Variants in LCE1C observed in about 807,000 individuals in gnomAD.
LCE1C encodes the protein late cornified envelope 1C, also known as late cornified envelope protein 1C.
LCE1C carries 1 observed loss-of-function variant against 0.7 expected under a neutral mutation model. That is an observed-to-expected ratio of 1.44 (90% confidence interval 0.51 to 6.83). The LOEUF is 6.83. Among genes scored for constraint, LCE1C ranks in the 30% most tolerant of loss-of-function variants. The pLI is 0.14. For missense variants in LCE1C, 136 were observed against 149.6 expected (o/e 0.91, Z 0.48); for synonymous variants, 72 against 57.9 (o/e 1.24, Z -1.10).
chr1:152,805,551 A>C (rs770253317), intron 1 of LCE1C, 53 bp from the exon 2 acceptor site: 11 of 1,282,462 alleles, frequency 8.6e-6, no homozygotes, highest in Non-Finnish European at 1.2e-5. Flanking sequence ...ACCCCTGCCT[A>C]TTCTTGTCCT....
rs968583720 is a variant in LCE1C, at chr1:152,805,136, C to T, written c.343G>A (p.Gly115Arg). The T allele has an allele frequency of 4.4e-6, 7 of 1,604,056 alleles. No individual in the cohort carries two copies. The highest frequency in any genetic ancestry group is 1.7e-5 in the Admixed American group (1 of 59,150). Reference protein sequence around the residue: ...CCGGGSGQHSGGCC With the variant: ...CCGGGSGQHSRGCC ...CAGGGTCCACTTCAGCAGCAGCCTC[C>T]AGAGTGCTGGCCACTCCCCCCGCCA... is the stretch of plus-strand genomic sequence containing the variant. Residue 115 changes from glycine (G) to arginine (R), a missense_variant, in exon 2 of 2, where the codon GGA (glycine) becomes AGA (arginine). Gly to Arg is a moderately radical substitution (Grantham distance 125). Coordinates refer to ENST00000607093, the MANE Select transcript of LCE1C (RefSeq NM_178351.4).
chr1:152,805,300 C>G lies in LCE1C; in HGVS notation c.179G>C (p.Cys60Ser). The change falls in exon 2 of 2, where the codon TGT (cysteine) becomes TCT (serine). Residue 60 changes from cysteine to serine, a missense_variant. Transcript: ENST00000607093. ...GCAGCATCCCCCAGAGCTGGAGCCA[C>G]AGCTGCCCCCAGAGCTGGAGCCACA... ...GCCGSSSGGS[C>S]GSSSGGCCSS... 1 of 1,614,044 alleles carries G rather than the reference C, an allele frequency of 6.2e-7. No homozygotes were observed. The highest frequency in any genetic ancestry group is 1.1e-5 in the South Asian group (1 of 91,068).
chr1:152,805,040 T>C lies in LCE1C; in HGVS notation c.*82A>G. On this transcript the variant is annotated 3_prime_UTR_variant, in exon 2 of 2. Transcript: ENST00000607093. ...GCTTTCCCTTGGACCTGTGAGCCTCTCAGGCAGGCCTAGTAGGAGAAGGGG... is the reference window on the plus strand; with the variant it reads ...GCTTTCCCTTGGACCTGTGAGCCTCCCAGGCAGGCCTAGTAGGAGAAGGGG... The C allele has an allele frequency of 6.8e-7, 1 of 1,480,808 alleles. No individual in the cohort carries two copies. 91.7% of individuals were successfully genotyped at this position (1,480,808 alleles called of 1,614,324 possible).
At position 152,806,025 on chromosome 1, in the gene LCE1C, A is replaced by G. The variant is rs1652330958; in HGVS notation, c.-20-527T>C. On this transcript the variant is annotated intron_variant, in intron 1 of 1. Transcript: ENST00000607093. ...TTTGTTAAGGAAGATGCTGGAGAAC[A>G]GTATTTTTGGTGCATAGAGGGGATC... Among the ~76,000 whole-genome samples the G allele has an allele frequency of 2.0e-5, 3 of 152,194 alleles. No individual in the cohort carries two copies. In the South Asian group the frequency reaches 6.2e-4, roughly 32 times the overall value.
At position 152,805,369 on chromosome 1, in the gene LCE1C, C is replaced by A; in HGVS notation, c.110G>T (p.Cys37Phe). ...PKCPPKCPPKCPPVSSCCSVS... is the reference protein window; with the variant it reads ...PKCPPKCPPKFPPVSSCCSVS... Reference sequence around the variant, plus strand: ...ACTGCAGCAGGAAGAGACAGGAGGGCACTTAGGGGGACACTTTGGGGGACA... The same window carrying A: ...ACTGCAGCAGGAAGAGACAGGAGGGAACTTAGGGGGACACTTTGGGGGACA... The change falls in exon 2 of 2, where the codon TGC becomes TTC. Residue 37 changes from cysteine (C) to phenylalanine (F), a missense_variant. By Grantham distance (205) the Cys-to-Phe change is radical. Transcript: ENST00000607093. 6.2e-7 allele frequency: 1 copy of A among 1,613,460 alleles called. No homozygotes were observed. Among genetic ancestry groups the A allele is most frequent in the African/African-American group, 1.3e-5 (1 of 74,904 alleles).
At chr1:152,805,698 T>C (rs1176382064) in intron 1 of LCE1C, among the ~76,000 whole-genome samples, 200 bp from the exon 2 acceptor site, 3 of 152,206 alleles carry the variant, frequency 2.0e-5, no homozygotes, top group Non-Finnish European at 4.4e-5. Context: ...CACAATTTCA[T>C]CTTAAGACAG....
At position 152,804,993 on chromosome 1, in the gene LCE1C, A is replaced by G; in HGVS notation, c.*129T>C. 8.6e-7 allele frequency: 1 copy of G among 1,166,198 alleles called. No homozygotes were observed. Among genetic ancestry groups the G allele is most frequent in the Non-Finnish European group, 1.2e-6 (1 of 817,638 alleles). 72.2% of individuals were successfully genotyped at this position (1,166,198 alleles called of 1,614,324 possible). ...TGAGTTTCTGGACTCCAGGGAAAAG[A>G]TATGCTCTTGGCAAGTTCAGAGCTT... On this transcript the variant is annotated 3_prime_UTR_variant, in exon 2 of 2. Coordinates refer to ENST00000607093, the MANE Select transcript of LCE1C (RefSeq NM_178351.4).
chr1:152,805,186 T>C lies in LCE1C; in HGVS notation c.293A>G (p.Gln98Arg). ...HRPQSSGCCS[Q>R]PSGGSSCCGG... The stretch of plus-strand genomic sequence containing the variant: ...ACAGCAGCTGGAGCCCCCCGAGGGC[T>C]GGCTGCAGCAGCCAGAGCTCTGGGG... The change falls in exon 2 of 2, where the codon CAG (glutamine) becomes CGG (arginine). Residue 98 changes from glutamine to arginine, a missense_variant. By Grantham distance (43) the Gln-to-Arg change is conservative. Coordinates refer to ENST00000607093, the MANE Select transcript of LCE1C (RefSeq NM_178351.4). The C allele has an allele frequency of 1.2e-6, 2 of 1,613,432 alleles. No homozygotes were observed. The highest frequency in any genetic ancestry group is 1.7e-4 in the Middle Eastern group (1 of 5,836).
Position 152,805,288 on chromosome 1 carries a change from G to A in LCE1C, c.191C>T (p.Ser64Phe). The A allele has an allele frequency of 6.2e-7, 1 of 1,613,972 alleles. No homozygotes were observed. Among genetic ancestry groups the A allele is most frequent in the Non-Finnish European group, 8.5e-7 (1 of 1,179,974 alleles). The change falls in exon 2 of 2, where the codon TCT (serine) becomes TTT (phenylalanine). Residue 64 changes from serine to phenylalanine, a missense_variant. Transcript: ENST00000607093. Reference sequence around the variant, plus strand: ...TCCCCCAGAACTGCAGCATCCCCCAGAGCTGGAGCCACAGCTGCCCCCAGA... The same window carrying A: ...TCCCCCAGAACTGCAGCATCCCCCAAAGCTGGAGCCACAGCTGCCCCCAGA... The part of the protein sequence containing the change: ...SSSGGSCGSS[S>F]GGCCSSGGGG...
intron 1 of LCE1C, among the ~76,000 whole-genome samples, chr1:152,805,967 G>T (rs12025125): frequency 0.22 from 33,438 of 152,080 alleles, 4,241 homozygotes; most frequent in East Asian, 0.33. Flanking sequence ...AATTGTAAAT[G>T]GTTTTGGAGA....
Position 152,805,036 on chromosome 1 carries a change from C to A in LCE1C, c.*86G>T, listed in dbSNP as rs1284721716. 2.1e-6 allele frequency: 3 copies of A among 1,458,824 alleles called. No homozygotes were observed. Among genetic ancestry groups the A allele is most frequent in the African/African-American group, 1.4e-5 (1 of 70,488 alleles). 90.4% of individuals were successfully genotyped at this position (1,458,824 alleles called of 1,614,324 possible). A position where few individuals can be genotyped will look rare whatever the true frequency, so the allele number is the denominator to read the frequency against. On this transcript the variant is annotated 3_prime_UTR_variant, in exon 2 of 2. Transcript: ENST00000607093. ...CAGAGCTTTCCCTTGGACCTGTGAGCCTCTCAGGCAGGCCTAGTAGGAGAA... is the reference window on the plus strand; with the variant it reads ...CAGAGCTTTCCCTTGGACCTGTGAGACTCTCAGGCAGGCCTAGTAGGAGAA...
Position 152,805,430 on chromosome 1 carries a change from T to C in LCE1C, c.49A>G (p.Thr17Ala). The change falls in exon 2 of 2, where the codon ACC becomes GCC. Residue 17 changes from threonine (T) to alanine (A), a missense_variant. Physicochemically the swap from Thr to Ala is moderately conservative, Grantham distance 58. Transcript: ENST00000607093. ...GGGCACTTGGGAGGGCACTTGGGGG[T>C]GCACTTGGGAGGGGGCTGGCACTGC... is the stretch of plus-strand genomic sequence containing the variant. ...QQQCQPPPKC[T>A]PKCPPKCPTP... is the part of the protein sequence containing the mutation. The C allele has an allele frequency of 6.2e-7, 1 of 1,611,190 alleles. No homozygotes were observed.
At position 152,804,990 on chromosome 1, in the gene LCE1C, A is replaced by G; in HGVS notation, c.*132T>C. On this transcript the variant is annotated 3_prime_UTR_variant, in exon 2 of 2. Coordinates refer to ENST00000607093, the MANE Select transcript of LCE1C (RefSeq NM_178351.4). ...ATCTGAGTTTCTGGACTCCAGGGAA[A>G]AGATATGCTCTTGGCAAGTTCAGAG... The G allele has an allele frequency of 8.7e-7, 1 of 1,150,640 alleles. No individual in the cohort carries two copies. Among genetic ancestry groups the G allele is most frequent in the Non-Finnish European group, 1.2e-6 (1 of 804,538 alleles). 71.3% of individuals were successfully genotyped at this position (1,150,640 alleles called of 1,614,324 possible).
Position 152,805,279 on chromosome 1 carries a change from C to A in LCE1C, c.200G>T (p.Cys67Phe), listed in dbSNP as rs146157684. ...GGSCGSSSGGCCSSGGGGCCL... is the reference protein window; with the variant it reads ...GGSCGSSSGGFCSSGGGGCCL... ...GCAGCCACCTCCCCCAGAACTGCAG[C>A]ATCCCCCAGAGCTGGAGCCACAGCT... Residue 67 changes from cysteine (C) to phenylalanine (F), a missense_variant, in exon 2 of 2, where the codon TGC becomes TTC. Transcript: ENST00000607093. The A allele has an allele frequency of 7.9e-4, 1,269 of 1,614,070 alleles. 12 individuals carry two copies. The African/African-American group carries it at 0.015, about 19-fold the overall frequency.
Position 152,805,480 on chromosome 1 carries a change from T to C in LCE1C, c.-2A>G. The C allele has an allele frequency of 1.2e-6, 2 of 1,613,650 alleles. No homozygotes were observed. Among genetic ancestry groups the C allele is most frequent in the Non-Finnish European group, 1.7e-6 (2 of 1,179,592 alleles). ...CTGCTGGCTCTGCTGGCAGGACATC[T>C]TGGTGGCGGATTCAGGAGCTGAAAG... is the stretch of plus-strand genomic sequence containing the variant. On this transcript the variant is annotated 5_prime_UTR_variant, in exon 2 of 2. Transcript: ENST00000607093.
Position 152,804,899 on chromosome 1 carries a change from G to A in LCE1C, c.*223C>T. 1 of 603,300 alleles carries A rather than the reference G, an allele frequency of 1.7e-6. No homozygotes were observed. The highest frequency in any genetic ancestry group is 4.5e-4 in the Middle Eastern group (1 of 2,240). The allele number at this position is 603,300 out of a possible 1,614,324, so 37.4% of individuals were successfully genotyped here. ...TGACATTGAGTAAGCTAGGGGCTTA[G>A]ACAGAGCGTGGGAGGGTAGCCACAA... On this transcript the variant is annotated 3_prime_UTR_variant, in exon 2 of 2. Coordinates refer to ENST00000607093, the MANE Select transcript of LCE1C (RefSeq NM_178351.4).
chr1:152,805,434 C>A lies in LCE1C; in HGVS notation c.45G>T (p.Lys15Asn). 6.2e-7 allele frequency: 1 copy of A among 1,613,640 alleles called. No homozygotes were observed. The highest frequency in any genetic ancestry group is 8.5e-7 in the Non-Finnish European group (1 of 1,179,850). ...ACTTGGGAGGGCACTTGGGGGTGCA[C>A]TTGGGAGGGGGCTGGCACTGCTGCT... ...QSQQQCQPPP[K>N]CTPKCPPKCP... Residue 15 changes from lysine to asparagine, a missense_variant, in exon 2 of 2, where the codon AAG becomes AAT. By Grantham distance (94) the Lys-to-Asn change is moderately conservative. Transcript: ENST00000607093.
In LCE1C at chr1:152,805,209, G is replaced by A. The variant is rs1213885706; in HGVS notation, c.270C>T (p.Pro90=). The A allele has an allele frequency of 1.9e-6, 3 of 1,613,616 alleles. No homozygotes were observed. The highest frequency in any genetic ancestry group is 2.5e-6 in the Non-Finnish European group (3 of 1,180,008). The change falls in exon 2 of 2, where the codon CCC becomes CCT. Residue 90 remains proline, a synonymous_variant. Coordinates refer to ENST00000607093, the MANE Select transcript of LCE1C (RefSeq NM_178351.4). Reference sequence around the variant, plus strand: ...GCTGGCTGCAGCAGCCAGAGCTCTGGGGTCTGTGGCAGTGGGACCTACGGC... The same window carrying A: ...GCTGGCTGCAGCAGCCAGAGCTCTGAGGTCTGTGGCAGTGGGACCTACGGC... The part of the protein sequence containing the change: ...HRRRRSHCHR[P]QSSGCCSQPS...
At chr1:152,806,374 TA>T (rs11332744) in intron 1 of LCE1C, among the ~76,000 whole-genome samples, 11,116 of 152,138 alleles carry the variant, frequency 0.073, 1,320 homozygotes, top group African/African-American at 0.25. Flanking sequence ...CCTCTGTCCT[TA>T]AAACTCAACT....
Sources: gnomAD v4.1 joint callset for allele counts (sites outside exome capture counted in the v4.1 genomes callset) on GRCh38, gnomAD v4.1.1 for gene constraint, MANE v1.5 for transcripts, NCBI Gene and HGNC (gene_info 2026-07-23, HGNC 2026-07-21) for gene names.